Variants in NOL7 observed in about 807,000 individuals in gnomAD.
The protein encoded by NOL7 is U3 small nucleolar RNA-associated protein NOL7.
NOL7 carries 36 observed loss-of-function variants against 38.4 expected under a neutral mutation model. The observed-to-expected ratio is 0.94, with a 90% CI of 0.72 to 1.24. NOL7 has a LOEUF of 1.24. Ranked by LOEUF, NOL7 falls within the 50% of genes most tolerant of loss-of-function variation. NOL7 has a pLI of 0.00. For missense variants in NOL7, 350 were observed against 315.1 expected, an observed-to-expected ratio of 1.11 and a Z score of -0.84; for synonymous variants, 142 against 126.5, an observed-to-expected ratio of 1.12 and a Z score of -0.82.
At chr6:13,617,829 C>A (rs1318614162) in intron 4 of NOL7, 28 bp downstream of exon 4, 41 of 1,600,828 alleles carry the variant, frequency 2.6e-5, no homozygotes, top group Non-Finnish European at 3.3e-5. Context: ...TAACTAACTT[C>A]TCATGTAAGT....
downstream of NOL7, among the ~76,000 whole-genome samples, chr6:13,622,682 G>A (rs1312927674): frequency 1.3e-5 from 2 of 152,192 alleles, no homozygotes; most frequent in East Asian, 3.9e-4. Flanking sequence ...AGGTAGTGTG[G>A]GTATTGTGTA....
At chr6:13,628,946 T>C (rs1388486068) in intron 8 of NOL7, among the ~76,000 whole-genome samples, 1 of 151,214 alleles carries the variant, frequency 6.6e-6, no homozygotes, top group Non-Finnish European at 1.5e-5. Flanking sequence ...GTTCATATTC[T>C]TTGACTCAAT....
Position 13,620,921 on chromosome 6 carries a change from T to G in NOL7, c.*94T>G, listed in dbSNP as rs952010653. ...TTTTAAAGGATCATTATAAAAATCA[T>G]AAACCTATTTGAGGAAGTGCTCAAC... On this transcript the variant is annotated 3_prime_UTR_variant, in exon 8 of 8. Transcript: ENST00000451315. The G allele has an allele frequency of 1.5e-5, 12 of 801,294 alleles. No individual in the cohort carries two copies. The highest frequency in any genetic ancestry group is 2.1e-5 in the Non-Finnish European group (11 of 518,188). The allele number at this position is 801,294 out of a possible 1,614,324, so 49.6% of individuals were successfully genotyped here. A position where few individuals can be genotyped will look rare whatever the true frequency, so the allele number is the denominator to read the frequency against.
intron 3 of NOL7, among the ~76,000 whole-genome samples, chr6:13,616,924 C>T (rs1000755137): frequency 2.0e-5 from 3 of 152,166 alleles, no homozygotes; most frequent in Non-Finnish European, 2.9e-5. Flanking sequence ...CCTTCCTGTT[C>T]CCCACTTCAT....
downstream of NOL7, among the ~76,000 whole-genome samples, chr6:13,625,039 C>G (rs1312768631): frequency 6.6e-6 from 1 of 152,214 alleles, no homozygotes; most frequent in Non-Finnish European, 1.5e-5. Context: ...CTGCCCTCTA[C>G]TGGATCAGTT....
chr6:13,625,691 C>T (rs1764581889), downstream of NOL7: 1 of 1,613,090 alleles, frequency 6.2e-7, no homozygotes, highest in Non-Finnish European at 8.5e-7. Flanking sequence ...CACAGGTTCT[C>T]TCTGAATCGG....
Position 13,620,238 on chromosome 6 carries a change from A to G in NOL7, c.531A>G (p.Leu177=). The G allele has an allele frequency of 3.1e-6, 5 of 1,614,112 alleles. No individual in the cohort carries two copies. Among genetic ancestry groups the G allele is most frequent in the Admixed American group, 1.7e-5 (1 of 60,002 alleles). ...ATAAAAGCTACTTGGCCGTAAGGCT[A>G]AAAGACCAAGATCTGAGAGATTCAA... ...SQNKSYLAVR[L]KDQDLRDSRQ... is the part of the protein sequence containing the mutation. The change falls in exon 6 of 8, where the codon CTA becomes CTG. Residue 177 remains leucine (L), a synonymous_variant. Transcript: ENST00000451315.
At chr6:13,628,373 C>T (rs141955541) in intron 8 of NOL7, among the ~76,000 whole-genome samples, 1 of 152,220 alleles carries the variant, frequency 6.6e-6, no homozygotes, top group East Asian at 1.9e-4. Flanking sequence ...TTACTATTGA[C>T]TTAATACATG....
At chr6:13,626,061 A>G (rs536005478), downstream of NOL7, among the ~76,000 whole-genome samples, 1 of 152,342 alleles carries the variant, frequency 6.6e-6, no homozygotes, top group South Asian at 2.1e-4. Context: ...TGGTGTAGGG[A>G]GAGTGGAAGG....
At chr6:13,630,762 C>T (rs376252517) in intron 8 of NOL7, among the ~76,000 whole-genome samples, 2 of 151,990 alleles carry the variant, frequency 1.3e-5, no homozygotes, top group Non-Finnish European at 2.9e-5. Flanking sequence ...GGTCTGTATG[C>T]GAATACAGCT....
At chr6:13,615,827 C>G in intron 2 of NOL7, 55 bp downstream of exon 2, 1 of 1,525,468 alleles carries the variant, frequency 6.6e-7, no homozygotes, top group African/African-American at 1.4e-5. Context: ...AGGGAGAATT[C>G]CTATGGTGGA....
chr6:13,615,862 G>A (rs1251001778), intron 2 of NOL7, 90 bp downstream of exon 2: 2 of 1,300,318 alleles, frequency 1.5e-6, no homozygotes, highest in African/African-American at 3.0e-5. Flanking sequence ...GCAGGATATT[G>A]GAGTGGGGAA....
At chr6:13,623,948 G>C (rs1764530104), downstream of NOL7, among the ~76,000 whole-genome samples, 1 of 152,122 alleles carries the variant, frequency 6.6e-6, no homozygotes, top group African/African-American at 2.4e-5. Flanking sequence ...TCACTTTAAA[G>C]ATTAGTATCA....
At chr6:13,632,468 T>C in exon 9 of NOL7, 2 of 1,614,020 alleles carry the variant, frequency 1.2e-6, no homozygotes, top group Non-Finnish European at 8.5e-7. Flanking sequence ...ATTCTTTCTA[T>C]GGCGGCCTGA....
chr6:13,615,735 A>G lies in NOL7; in HGVS notation c.290A>G (p.Lys97Arg), dbSNP rs764711363. Residue 97 changes from lysine to arginine, a missense_variant, in exon 2 of 8, where the codon AAG becomes AGG. Transcript: ENST00000451315. ...VRRDKTLLKE[K>R]RKRREELFIE... ...AGGGATAAAACGCTCCTGAAGGAGA[A>G]GAGGAAGCGACGCGAGGAGCTGTTC... is the stretch of plus-strand genomic sequence containing the variant. The G allele has an allele frequency of 9.3e-6, 15 of 1,614,154 alleles. No homozygotes were observed. The East Asian group carries it at 1.1e-4, about 12-fold the overall frequency.
At chr6:13,620,515 A>C in intron 7 of NOL7, 30 bp downstream of exon 7, 7 of 1,574,190 alleles carry the variant, frequency 4.4e-6, no homozygotes, top group Non-Finnish European at 6.1e-6. Context: ...TCCTGTCTCT[A>C]ATAGCTTTAT....
At chr6:13,626,685 G>A (rs1436232738), downstream of NOL7, among the ~76,000 whole-genome samples, 5 of 152,212 alleles carry the variant, frequency 3.3e-5, no homozygotes, top group African/African-American at 1.2e-4. Context: ...GACATGGAGA[G>A]TTGCTGCAGA....
At chr6:13,622,397 A>C (rs754094577), downstream of NOL7, 42 of 1,599,884 alleles carry the variant, frequency 2.6e-5, no homozygotes, top group Non-Finnish European at 3.5e-5. Flanking sequence ...GCAAATGCGC[A>C]GGATCCAATT....
In NOL7 at chr6:13,621,561, C is replaced by G. The variant is rs531477608; in HGVS notation, c.*734C>G. ...CACTACATTTTATTGCAATATAGTA[C>G]TCATTTAAGCACTTAAAAATGGAAG... On this transcript the variant is annotated 3_prime_UTR_variant, in exon 8 of 8. Coordinates refer to ENST00000451315, the MANE Select transcript of NOL7 (RefSeq NM_016167.5). 1 of 152,612 alleles carries G rather than the reference C, an allele frequency of 6.6e-6. No individual in the cohort carries two copies. The highest frequency in any genetic ancestry group is 1.9e-4 in the East Asian group (1 of 5,184). 9.5% of individuals were successfully genotyped at this position (152,612 alleles called of 1,614,324 possible).
Sources: allele counts gnomAD v4.1 joint callset (sites outside exome capture counted in the v4.1 genomes callset), GRCh38; gene constraint gnomAD v4.1.1; transcripts MANE v1.5; gene names NCBI Gene and HGNC (gene_info 2026-07-23, HGNC 2026-07-21).